Variants in JMJD1C observed in about 807,000 individuals in gnomAD.
JMJD1C encodes jumonji domain containing 1C.
In JMJD1C, 31 loss-of-function variants were observed where a neutral mutation model predicts 245.3. That is an observed-to-expected ratio of 0.13 (90% CI 0.09 to 0.17). JMJD1C has a LOEUF of 0.17. Ranked by LOEUF, JMJD1C falls within the 10% of genes least tolerant of loss-of-function variation. The pLI is 1.00. For synonymous variants in JMJD1C, 1,057 were observed against 1,017.4 expected (o/e 1.04, Z -0.74); for missense variants, 2,691 against 3,000.2 (o/e 0.90, Z 2.41).
intron 2 of JMJD1C, among the ~76,000 whole-genome samples, chr10:63,361,758 A>T (rs1425970495): frequency 6.7e-6 from 1 of 149,928 alleles, no homozygotes; most frequent in Non-Finnish European, 1.5e-5. Context: ...GAAAAAGAAT[A>T]TCCTACTCCT....
At chr10:63,200,891 C>T (rs536728307) in intron 10 of JMJD1C, among the ~76,000 whole-genome samples, 12 of 152,298 alleles carry the variant, frequency 7.9e-5, no homozygotes, top group African/African-American at 2.9e-4. Context: ...CCAAATGAAC[C>T]ACTCTTATGT....
At chr10:63,194,124 T>C (rs1015733352) in intron 14 of JMJD1C, among the ~76,000 whole-genome samples, 162 bp downstream of exon 14, 2 of 152,254 alleles carry the variant, frequency 1.3e-5, no homozygotes, top group Middle Eastern at 3.2e-3. Flanking sequence ...TGGACTTATC[T>C]TCTGAGCTTT....
intron 1 of JMJD1C, among the ~76,000 whole-genome samples, chr10:63,448,646 T>C (rs12356216): frequency 6.6e-6 from 1 of 152,212 alleles, no homozygotes; most frequent in African/African-American, 2.4e-5. Flanking sequence ...TGCTAAAGTA[T>C]AGTGTTCTAG....
At chr10:63,313,412 C>G (rs760408268) in intron 2 of JMJD1C, among the ~76,000 whole-genome samples, 6 of 152,136 alleles carry the variant, frequency 3.9e-5, no homozygotes, top group African/African-American at 7.2e-5. Context: ...CATGACTGTG[C>G]AAGTATCTTT....
intron 1 of JMJD1C, among the ~76,000 whole-genome samples, chr10:63,477,400 AT>A (rs1953696340): frequency 1.9e-3 from 1 of 514 alleles, no homozygotes; most frequent in African/African-American, 5.0e-3. Context: ...AAAGATAGAT[AT>A]ACATAGATGA....
chr10:63,235,387 T>C (rs1372454807), intron 3 of JMJD1C, among the ~76,000 whole-genome samples: 4 of 151,900 alleles, frequency 2.6e-5, no homozygotes, highest in Non-Finnish European at 1.5e-5. Context: ...ATCCCAGCTA[T>C]CAGGGAGGAT....
rs764536818 is a variant in JMJD1C, at chr10:63,208,257, AAGTCAG to A, written c.3406_3411del (p.Leu1136_Thr1137del). ...GGCTTTGAAAGAGATGTTATAAATG[AAGTCAG>A]AGTTTGAGGATTAGCTGCTGCCGCT... On this transcript the variant is annotated inframe_deletion, in exon 10 of 26. Transcript: ENST00000399262. The A allele has an allele frequency of 6.2e-7, 1 of 1,614,008 alleles. No individual in the cohort carries two copies. Among genetic ancestry groups the A allele is most frequent in the Non-Finnish European group, 8.5e-7 (1 of 1,179,954 alleles).
intron 1 of JMJD1C, among the ~76,000 whole-genome samples, chr10:63,435,745 C>T (rs1951025039): frequency 6.6e-6 from 1 of 152,068 alleles, no homozygotes; most frequent in Non-Finnish European, 1.5e-5. Context: ...ATTAAAAGTA[C>T]AAAAATTAGC....
At chr10:63,516,749 AT>A (rs1168494236) in intron 1 of JMJD1C, among the ~76,000 whole-genome samples, 1 of 152,132 alleles carries the variant, frequency 6.6e-6, no homozygotes, top group Non-Finnish European at 1.5e-5. Flanking sequence ...TCACAGATGT[AT>A]TTTACTTTTT....
At chr10:63,428,144 G>A (rs1950547770) in intron 1 of JMJD1C, among the ~76,000 whole-genome samples, 1 of 144,884 alleles carries the variant, frequency 6.9e-6, no homozygotes, top group Non-Finnish European at 1.5e-5. Flanking sequence ...TATGAGAGGA[G>A]GGGACTAAAA....
At chr10:63,431,952 C>T (rs1037071067) in intron 1 of JMJD1C, among the ~76,000 whole-genome samples, 3 of 152,090 alleles carry the variant, frequency 2.0e-5, no homozygotes, top group African/African-American at 4.8e-5. Flanking sequence ...ACAGGGGTTG[C>T]GGTGAGCCAA....
chr10:63,201,294 A>G (rs998530482), intron 10 of JMJD1C, among the ~76,000 whole-genome samples: 2 of 152,214 alleles, frequency 1.3e-5, no homozygotes, highest in Non-Finnish European at 2.9e-5. Flanking sequence ...TGATATCAAC[A>G]TACTGATGGT....
chr10:63,510,250 C>G lies in JMJD1C; in HGVS notation n.113+11488G>C, dbSNP rs112958740. On this transcript the variant is annotated intron_variant and non_coding_transcript_variant, in intron 1 of 3. Coordinates refer to the JMJD1C transcript ENST00000633035. ...AATCTCCTGACCTCGTGATCCACCCCCCTCGGCCTCCCAAAGTGCTGGGAC... is the reference window on the plus strand; with the variant it reads ...AATCTCCTGACCTCGTGATCCACCCGCCTCGGCCTCCCAAAGTGCTGGGAC... Among the ~76,000 whole-genome samples, 6 of 151,826 alleles carry G rather than the reference C, an allele frequency of 4.0e-5. No homozygotes were observed. In the South Asian group the frequency reaches 6.2e-4, roughly 16 times the overall value.
intron 3 of JMJD1C, among the ~76,000 whole-genome samples, chr10:63,243,124 T>TATATATATATATATATAA (rs1491362612): frequency 1.2e-4 from 10 of 85,740 alleles, no homozygotes; most frequent in African/African-American, 2.1e-4. Flanking sequence ...TATATATATA[T>TATATATATATATATATAA]AAATATATAT....
chr10:63,357,866 C>CAGAG (rs1554900757), intron 2 of JMJD1C, among the ~76,000 whole-genome samples: 26 of 137,872 alleles, frequency 1.9e-4, no homozygotes, highest in Admixed American at 2.1e-4. Context: ...CACACACACA[C>CAGAG]AGAGACAAAC....
chr10:63,218,904 G>A (rs1185559813), intron 4 of JMJD1C, among the ~76,000 whole-genome samples: 1 of 152,018 alleles, frequency 6.6e-6, no homozygotes, highest in Non-Finnish European at 1.5e-5. Flanking sequence ...GAAATACCTA[G>A]TATTTTAAAT....
chr10:63,200,864 C>T (rs1255163475), intron 10 of JMJD1C, among the ~76,000 whole-genome samples, 187 bp from the exon 11 acceptor site: 1 of 152,190 alleles, frequency 6.6e-6, no homozygotes, highest in Non-Finnish European at 1.5e-5. Flanking sequence ...TATTTACTTA[C>T]TAACCAATTC....
intron 2 of JMJD1C, among the ~76,000 whole-genome samples, chr10:63,378,199 A>C (rs1414819150): frequency 1.3e-5 from 2 of 152,058 alleles, no homozygotes; most frequent in South Asian, 4.1e-4. Flanking sequence ...ATTATGACAA[A>C]ATTATCATTA....
chr10:63,173,313 G>A (rs1842559931), intron 24 of JMJD1C, among the ~76,000 whole-genome samples: 1 of 152,118 alleles, frequency 6.6e-6, no homozygotes, highest in Non-Finnish European at 1.5e-5. Context: ...AACTATAATG[G>A]TTCTAGAAGA....
Sources: allele counts gnomAD v4.1 joint callset (sites outside exome capture counted in the v4.1 genomes callset), GRCh38; gene constraint gnomAD v4.1.1; transcripts MANE v1.5; gene names NCBI Gene and HGNC (gene_info 2026-07-23, HGNC 2026-07-21).